The following EIF4ENIF1 variants were observed in gnomAD, a reference collection of about 807,000 sequenced individuals.
EIF4ENIF1 encodes eukaryotic translation initiation factor 4E transporter.
EIF4ENIF1 carries 23 observed loss-of-function variants against 110.5 expected under a neutral mutation model. That is an observed-to-expected ratio of 0.21 (90% CI 0.15 to 0.29). EIF4ENIF1 has a LOEUF of 0.29. EIF4ENIF1 is among the 10% of genes least tolerant of loss of function. The pLI is 1.00. For synonymous variants in EIF4ENIF1, 440 were observed against 437.0 expected, an observed-to-expected ratio of 1.01 and a Z score of -0.09; for missense variants, 1,031 against 1,221.1, an observed-to-expected ratio of 0.84 and a Z score of 2.32.
intron 2 of EIF4ENIF1, among the ~76,000 whole-genome samples, chr22:31,474,799 T>G (rs907846164): frequency 6.6e-6 from 1 of 152,156 alleles, no homozygotes; most frequent in Non-Finnish European, 1.5e-5. Flanking sequence ...TATAATAAAG[T>G]TAAAAAGCAA....
intron 2 of EIF4ENIF1, among the ~76,000 whole-genome samples, chr22:31,475,121 A>G (rs1157353089): frequency 1.3e-5 from 2 of 152,222 alleles, no homozygotes; most frequent in Admixed American, 1.3e-4. Context: ...TAAGACCAGG[A>G]TATCAATCAG....
intron 14 of EIF4ENIF1, chr22:31,446,803 A>C: frequency 6.7e-6 from 2 of 297,348 alleles, no homozygotes; most frequent in Non-Finnish European, 1.4e-5. Flanking sequence ...TTTATTTTAC[A>C]ATAAAATAAT....
chr22:31,455,182 A>G lies in EIF4ENIF1; in HGVS notation c.1233T>C (p.Pro411=). Residue 411 remains proline, a synonymous_variant, in exon 9 of 19, where the codon CCT becomes CCC. Coordinates refer to ENST00000330125, the MANE Select transcript of EIF4ENIF1 (RefSeq NM_019843.4). ...TATTTGCAGAAAGGCTGGAAAGAAG[A>G]GGTTTCAAATCCACTTTGGCTTTCT... ...MLQKAKVDLK[P]LLSSLSANKE... 1 of 1,613,214 alleles carries G rather than the reference A, an allele frequency of 6.2e-7. No individual in the cohort carries two copies. Among genetic ancestry groups the G allele is most frequent in the East Asian group, 2.2e-5 (1 of 44,864 alleles).
chr22:31,486,277 A>T (rs1367525625), intron 2 of EIF4ENIF1, among the ~76,000 whole-genome samples: 4 of 17,110 alleles, frequency 2.3e-4, no homozygotes, highest in African/African-American at 3.3e-4. Context: ...TCTCAAAAAA[A>T]AAAAAATAAA....
intron 8 of EIF4ENIF1, 24 bp downstream of exon 8, chr22:31,455,828 G>A: frequency 6.2e-7 from 1 of 1,612,600 alleles, no homozygotes; most frequent in Non-Finnish European, 8.5e-7. Context: ...TTACCTTCAA[G>A]GGCAGAATCT....
At position 31,447,571 on chromosome 22, in the gene EIF4ENIF1, GA is replaced by G; in HGVS notation, c.1849-7del. On this transcript the variant is annotated splice_region_variant and splice_polypyrimidine_tract_variant and intron_variant, in intron 13 of 18. Transcript: ENST00000330125. The stretch of plus-strand genomic sequence containing the variant: ...TGCAACTCCAGCTGGCTCATCTGCT[GA>G]AAAGGAGAGGGGAGGGTCAGGAGAA... 6.3e-7 allele frequency: 1 copy of G among 1,599,922 alleles called. No homozygotes were observed. Among genetic ancestry groups the G allele is most frequent in the Admixed American group, 1.7e-5 (1 of 58,370 alleles).
intron 10 of EIF4ENIF1, chr22:31,450,777 TAC>T (rs546874610): frequency 6.0e-4 from 143 of 238,606 alleles, no homozygotes; most frequent in African/African-American, 3.0e-3. Flanking sequence ...CATACATATA[TAC>T]ACACACATAT....
intron 8 of EIF4ENIF1, 22 bp from the exon 9 acceptor site, chr22:31,455,337 C>T: frequency 6.7e-7 from 1 of 1,503,184 alleles, no homozygotes; most frequent in East Asian, 2.4e-5. Context: ...AATAAACATA[C>T]TCAAAATTAA....
chr22:31,470,192 CCTAA>C lies in EIF4ENIF1; in HGVS notation c.170+1648_170+1651del, dbSNP rs1392473352. On this transcript the variant is annotated intron_variant, in intron 3 of 18. Transcript: ENST00000330125. ...AAAAAAAAAAAAAAAAAAGAAAAAT[CCTAA>C]CTAATTGGCTATAGCCATTATTCAA... Among the ~76,000 whole-genome samples the C allele has an allele frequency of 8.2e-4, 5 of 6,108 alleles. No homozygotes were observed. The Admixed American group carries it at 0.011, about 14-fold the overall frequency. The allele number at this position is 6,108 out of a possible 152,430, so 4.0% of individuals were successfully genotyped here.
At chr22:31,462,861 GT>G (rs1455745849) in intron 6 of EIF4ENIF1, 70 bp downstream of exon 6, 3 of 1,513,178 alleles carry the variant, frequency 2.0e-6, no homozygotes, top group Non-Finnish European at 2.7e-6. Context: ...GGGATTACAG[GT>G]GTGAGCCACC....
At position 31,456,006 on chromosome 22, in the gene EIF4ENIF1, A is replaced by C; in HGVS notation, c.964-19T>G. ...CTATCATCTGAAGAAAAAGACAATA[A>C]AAACTAATAGTTTCTAGATGAAAAA... is the stretch of plus-strand genomic sequence containing the variant. On this transcript the variant is annotated intron_variant, in intron 7 of 18. Coordinates refer to ENST00000330125, the MANE Select transcript of EIF4ENIF1 (RefSeq NM_019843.4). 1 of 1,611,606 alleles carries C rather than the reference A, an allele frequency of 6.2e-7. No homozygotes were observed. The highest frequency in any genetic ancestry group is 1.1e-5 in the South Asian group (1 of 90,562).
chr22:31,492,360 T>C (rs528787313), upstream of EIF4ENIF1, among the ~76,000 whole-genome samples: 7 of 152,290 alleles, frequency 4.6e-5, no homozygotes, highest in Admixed American at 2.0e-4. Flanking sequence ...TGTCAAGGAA[T>C]GTGTAGGCAT....
rs540413257 is a variant in EIF4ENIF1 at position 31,456,254 on chromosome 22, C to T, written c.964-267G>A. 5.1e-3 allele frequency among the ~76,000 whole-genome samples: 739 copies of T among 143,822 alleles called. 5 individuals are homozygous for T. Among genetic ancestry groups the T allele is most frequent in the African/African-American group, 0.018 (692 of 38,650 alleles). The allele number at this position is 143,822 out of a possible 152,430, so 94.4% of individuals were successfully genotyped here. ...TTTTTTTTTTTTTGAGACAGAGTCTCGCTCTGTCACCCAGGCTGGAGTGCA... is the reference window on the plus strand; with the variant it reads ...TTTTTTTTTTTTTGAGACAGAGTCTTGCTCTGTCACCCAGGCTGGAGTGCA... On this transcript the variant is annotated intron_variant, in intron 7 of 18. Transcript: ENST00000330125.
rs2050899311 is a variant in EIF4ENIF1 at position 31,458,616 on chromosome 22, C to T, written c.822G>A (p.Glu274=). ...GTGCAAGGATGACCTCCACTTCATC[C>T]TCTTCGGCCACTCCTCCATTGCACT... The part of the protein sequence containing the change: ...IVECNGGVAE[E]DEVEVILAQE... Residue 274 remains glutamate, a synonymous_variant, in exon 7 of 19, where the codon GAG becomes GAA. Coordinates refer to ENST00000330125, the MANE Select transcript of EIF4ENIF1 (RefSeq NM_019843.4). 2.5e-6 allele frequency: 4 copies of T among 1,610,370 alleles called. No individual in the cohort carries two copies. Among genetic ancestry groups the T allele is most frequent in the Non-Finnish European group, 3.4e-6 (4 of 1,178,230 alleles).
At chr22:31,438,973 G>A (rs1014817497), downstream of EIF4ENIF1, among the ~76,000 whole-genome samples, 1 of 152,144 alleles carries the variant, frequency 6.6e-6, no homozygotes, top group African/African-American at 2.4e-5. Context: ...GCCTGCCTCT[G>A]CCTCCCAGAG....
intron 3 of EIF4ENIF1, among the ~76,000 whole-genome samples, chr22:31,470,227 A>G (rs977452228): frequency 7.5e-6 from 1 of 132,608 alleles, no homozygotes; most frequent in African/African-American, 2.8e-5. Context: ...TTCAAGTATC[A>G]AGTATCACCT....
At chr22:31,486,898 T>C (rs186315947) in intron 2 of EIF4ENIF1, among the ~76,000 whole-genome samples, 9 of 143,890 alleles carry the variant, frequency 6.3e-5, no homozygotes, top group African/African-American at 2.1e-4. Context: ...CTGACCAACA[T>C]GGAGAAACCC....
chr22:31,488,765 A>G lies in EIF4ENIF1; in HGVS notation c.-27-20T>C. 1 of 1,583,546 alleles carries G rather than the reference A, an allele frequency of 6.3e-7. No individual in the cohort carries two copies. The highest frequency in any genetic ancestry group is 8.6e-7 in the Non-Finnish European group (1 of 1,168,108). On this transcript the variant is annotated intron_variant, in intron 1 of 18. Transcript: ENST00000330125. ...CTGCACCTGGAAGATAAATCGGCAC[A>G]AAATTGTCACCGAGAACAGTAAGTT...
chr22:31,477,979 C>A (rs1019626596), intron 2 of EIF4ENIF1, among the ~76,000 whole-genome samples: 2 of 152,184 alleles, frequency 1.3e-5, no homozygotes, highest in East Asian at 3.8e-4. Context: ...AATGTTCACA[C>A]CTTCAAAAGA....
Sources: allele counts gnomAD v4.1 joint callset (sites outside exome capture counted in the v4.1 genomes callset), GRCh38; gene constraint gnomAD v4.1.1; transcripts MANE v1.5; gene names NCBI Gene and HGNC (gene_info 2026-07-23, HGNC 2026-07-21).